Variants in AGBL1 observed in about 807,000 individuals in gnomAD.
The protein encoded by AGBL1 is AGBL carboxypeptidase 1.
In AGBL1, 130 loss-of-function variants were observed where a neutral mutation model predicts 118.9. That is an observed-to-expected ratio of 1.09 (90% confidence interval 0.95 to 1.26). The LOEUF (loss-of-function observed/expected upper bound fraction) is 1.26, where lower values mean the gene tolerates loss of function less well. AGBL1 is among the 50% of genes most tolerant of loss of function. The probability of loss-of-function intolerance (pLI) is 0.00; values close to 1 mark genes in which losing one functional copy is unlikely to be tolerated. For missense variants in AGBL1, 1,584 were observed against 1,298.1 expected, an observed-to-expected ratio of 1.22 and a Z score of -3.38; for synonymous variants, 555 against 478.9, an observed-to-expected ratio of 1.16 and a Z score of -2.08.
chr15:86,083,900 T>C (rs888484146), intron 1 of AGBL1, among the ~76,000 whole-genome samples: 2 of 152,226 alleles, frequency 1.3e-5, no homozygotes, highest in African/African-American at 4.8e-5. Flanking sequence ...AGCTTTTCCC[T>C]TGGACTTAAA....
At chr15:86,608,633 C>T (rs1465198071) in intron 21 of AGBL1, among the ~76,000 whole-genome samples, 1 of 152,080 alleles carries the variant, frequency 6.6e-6, no homozygotes, top group Non-Finnish European at 1.5e-5. Context: ...GCAGGATTCA[C>T]CAGCAGAGAC....
At chr15:86,275,098 T>G (rs887831037) in intron 15 of AGBL1, among the ~76,000 whole-genome samples, 3 of 152,182 alleles carry the variant, frequency 2.0e-5, no homozygotes, top group Non-Finnish European at 2.9e-5. Context: ...TGTGGTCTGC[T>G]TCTTCCTCTG....
At chr15:86,625,374 TTTTTG>T (rs1379937981) in intron 21 of AGBL1, among the ~76,000 whole-genome samples, 2 of 47,234 alleles carry the variant, frequency 4.2e-5, no homozygotes, top group African/African-American at 1.7e-4. Flanking sequence ...CGTTTTTTTT[TTTTTG>T]TTTTTGTTTT....
At chr15:86,990,714 T>C (rs1419866245) in intron 24 of AGBL1, among the ~76,000 whole-genome samples, 1 of 152,128 alleles carries the variant, frequency 6.6e-6, no homozygotes. Context: ...AGAGGTAAAA[T>C]ACCTGCACAT....
chr15:86,145,128 A>G (rs1330422315), intron 3 of AGBL1, among the ~76,000 whole-genome samples: 2 of 152,154 alleles, frequency 1.3e-5, no homozygotes, highest in African/African-American at 4.8e-5. Context: ...GACATCAGTC[A>G]TAGGATTTAG....
At chr15:86,372,078 T>C (rs1375259665) in intron 17 of AGBL1, among the ~76,000 whole-genome samples, 1 of 152,142 alleles carries the variant, frequency 6.6e-6, no homozygotes, top group Non-Finnish European at 1.5e-5. Flanking sequence ...TTCATCCTGG[T>C]ATAATGTGGC....
chr15:86,875,050 G>A (rs1231531845), intron 22 of AGBL1, among the ~76,000 whole-genome samples: 1 of 152,104 alleles, frequency 6.6e-6, no homozygotes, highest in African/African-American at 2.4e-5. Flanking sequence ...CCAGGACCAT[G>A]GGTTTAGAGG....
intron 17 of AGBL1, among the ~76,000 whole-genome samples, chr15:86,380,168 A>G (rs1382207087): frequency 6.6e-6 from 1 of 151,866 alleles, no homozygotes; most frequent in African/African-American, 2.4e-5. Context: ...ATGATAGACA[A>G]CTTTGGTCAC....
At chr15:86,821,422 C>T (rs376916576) in intron 22 of AGBL1, among the ~76,000 whole-genome samples, 26 of 151,830 alleles carry the variant, frequency 1.7e-4, no homozygotes, top group East Asian at 9.7e-4. Context: ...TACATTTATT[C>T]GATATGAAGA....
chr15:86,238,402 T>C lies in AGBL1; in HGVS notation c.527-9269T>C, dbSNP rs147056888. Among the ~76,000 whole-genome samples the C allele has an allele frequency of 6.1e-4, 93 of 152,360 alleles. 1 individual carries two copies. Among genetic ancestry groups the C allele is most frequent in the African/African-American group, 2.0e-3 (85 of 41,578 alleles). On this transcript the variant is annotated intron_variant, in intron 6 of 22. Transcript: ENST00000614907. ...GGTTTTGGGTGTGTGAACATGGTTT[T>C]AGTTTATAATTTACTCTCTGCCTAG...
At chr15:86,257,579 A>G (rs114859741) in intron 8 of AGBL1, among the ~76,000 whole-genome samples, 4,673 of 152,290 alleles carry the variant, frequency 0.031, 239 homozygotes, top group African/African-American at 0.11. Context: ...TCAAAAAATT[A>G]GGGGCTCAAT....
chr15:86,835,531 C>T (rs1179429667), intron 22 of AGBL1, among the ~76,000 whole-genome samples: 3 of 151,872 alleles, frequency 2.0e-5, no homozygotes, highest in African/African-American at 7.3e-5. Context: ...GTAGAAAAAG[C>T]ATTCTATAAG....
intron 24 of AGBL1, among the ~76,000 whole-genome samples, chr15:87,008,303 T>C (rs1567284619): frequency 1.3e-5 from 2 of 152,184 alleles, no homozygotes; most frequent in Admixed American, 6.5e-5. Flanking sequence ...GCTGTTCTCA[T>C]GACAGTTAAT....
chr15:86,227,327 A>C (rs7180898), intron 6 of AGBL1, among the ~76,000 whole-genome samples: 22,626 of 152,260 alleles, frequency 0.15, 2,214 homozygotes, highest in South Asian at 0.27. Flanking sequence ...TTTGGTGTTA[A>C]TTATAACACA....
chr15:86,826,170 T>C (rs765467730), intron 22 of AGBL1, among the ~76,000 whole-genome samples: 2 of 152,168 alleles, frequency 1.3e-5, no homozygotes, highest in Non-Finnish European at 2.9e-5. Flanking sequence ...TTCAGAGTAG[T>C]TCCTTAAAGC....
At chr15:86,396,596 C>T (rs1366913683) in intron 17 of AGBL1, among the ~76,000 whole-genome samples, 2 of 152,124 alleles carry the variant, frequency 1.3e-5, no homozygotes, top group African/African-American at 4.8e-5. Flanking sequence ...TCCAAAGATA[C>T]TGCTTCTGTT....
intron 21 of AGBL1, among the ~76,000 whole-genome samples, chr15:86,577,573 C>T (rs2084109780): frequency 6.6e-6 from 1 of 152,142 alleles, no homozygotes; most frequent in Admixed American, 6.5e-5. Context: ...AAAATGTCTC[C>T]AGGGCATGTC....
At chr15:86,657,036 T>C (rs1046967856) in intron 21 of AGBL1, among the ~76,000 whole-genome samples, 8 of 152,160 alleles carry the variant, frequency 5.3e-5, no homozygotes, top group African/African-American at 1.9e-4. Flanking sequence ...GGCCCTTATT[T>C]CTTTTTAAGA....
intron 5 of AGBL1, among the ~76,000 whole-genome samples, chr15:86,195,039 T>C (rs1310737070): frequency 6.6e-6 from 1 of 152,212 alleles, no homozygotes; most frequent in Non-Finnish European, 1.5e-5. Context: ...TCAATTGATC[T>C]ATGAGGGTTT....
Sources: allele counts gnomAD v4.1 joint callset (sites outside exome capture counted in the v4.1 genomes callset), GRCh38; gene constraint gnomAD v4.1.1; transcripts MANE v1.5; gene names NCBI Gene and HGNC (gene_info 2026-07-23, HGNC 2026-07-21).